The following KCNH5 variants were observed in gnomAD, a reference collection of about 807,000 sequenced individuals.
The protein encoded by KCNH5 is potassium voltage-gated channel subfamily H member 5.
Under a neutral mutation model 96.1 loss-of-function variants are expected in KCNH5, and 46 were observed. The observed-to-expected ratio is 0.48, with a 90% CI of 0.38 to 0.61. The LOEUF is 0.61. KCNH5 is among the 20% of genes least tolerant of loss of function. The pLI is 0.00. For missense variants in KCNH5, 907 were observed against 1,225.8 expected (o/e 0.74, Z 3.88); for synonymous variants, 439 against 449.8 (o/e 0.98, Z 0.30).
intron 7 of KCNH5, among the ~76,000 whole-genome samples, chr14:62,932,638 T>C (rs1340289218): frequency 6.6e-6 from 1 of 152,054 alleles, no homozygotes; most frequent in Non-Finnish European, 1.5e-5. Context: ...TGATTACACA[T>C]ACCCATTGGG....
At position 62,962,087 on chromosome 14, in the gene KCNH5, T is replaced by C. The variant is rs575523551; in HGVS notation, c.943-11528A>G. Among the ~76,000 whole-genome samples, 12 of 151,880 alleles carry C rather than the reference T, an allele frequency of 7.9e-5. No homozygotes were observed. The East Asian group carries it at 2.3e-3, about 29-fold the overall frequency. ...ATAGAGATGGAAATGGAGATGGAGA[T>C]GGATGTGCAGATGGAGATGGATACA... On this transcript the variant is annotated intron_variant, in intron 6 of 10. Transcript: ENST00000322893.
At chr14:62,906,762 C>T (rs572849943) in intron 7 of KCNH5, among the ~76,000 whole-genome samples, 58 of 151,662 alleles carry the variant, frequency 3.8e-4, no homozygotes, top group Non-Finnish European at 7.2e-4. Context: ...CTTTTTTTTT[C>T]TTGTCTCATT....
rs752430126 is a variant in KCNH5 at position 62,707,550 on chromosome 14, C to T, written c.2925G>A (p.Arg975=). 1.3e-6 allele frequency: 2 copies of T among 1,498,790 alleles called. No individual in the cohort carries two copies. Among genetic ancestry groups the T allele is most frequent in the East Asian group, 4.6e-5 (2 of 43,630 alleles). 92.8% of individuals were successfully genotyped at this position (1,498,790 alleles called of 1,614,324 possible). A position where few individuals can be genotyped will look rare whatever the true frequency, so the allele number is the denominator to read the frequency against. Residue 975 remains arginine (R), a synonymous_variant, in exon 11 of 11, where the codon AGG becomes AGA. Transcript: ENST00000322893. ...IPCQDIFSVS[R]PESPESDKDE... ...CTTTGTCAGATTCAGGTGATTCAGG[C>T]CTTGAGACACTAAAAATATCCTGAC...
At chr14:62,775,429 T>A (rs1358573380) in intron 10 of KCNH5, among the ~76,000 whole-genome samples, 6 of 152,120 alleles carry the variant, frequency 3.9e-5, no homozygotes, top group Non-Finnish European at 2.9e-5. Context: ...CCCATAAAAA[T>A]GTGCTTCTGG....
chr14:62,755,121 T>C (rs990414416), intron 10 of KCNH5, among the ~76,000 whole-genome samples: 1 of 151,198 alleles, frequency 6.6e-6, no homozygotes, highest in Non-Finnish European at 1.5e-5. Context: ...CAGAAATAAA[T>C]AAAATTGAAA....
intron 10 of KCNH5, among the ~76,000 whole-genome samples, chr14:62,754,264 T>C (rs1885569177): frequency 6.6e-6 from 1 of 151,158 alleles, no homozygotes; most frequent in African/African-American, 2.4e-5. Context: ...ACAAAACAAA[T>C]AAAAAGCAAG....
At chr14:62,781,394 T>C (rs1187345369) in intron 9 of KCNH5, among the ~76,000 whole-genome samples, 1 of 152,248 alleles carries the variant, frequency 6.6e-6, no homozygotes, top group Non-Finnish European at 1.5e-5. Flanking sequence ...GATAACATCT[T>C]ATCAGGAGAC....
At chr14:62,988,871 T>C (rs142769145) in intron 4 of KCNH5, among the ~76,000 whole-genome samples, 1 of 151,992 alleles carries the variant, frequency 6.6e-6, no homozygotes, top group Non-Finnish European at 1.5e-5. Flanking sequence ...CTGACAACAC[T>C]CAACATGTCC....
In KCNH5 at chr14:62,987,196, T is replaced by C; in HGVS notation, c.434-9A>G. 6.3e-7 allele frequency: 1 copy of C among 1,593,632 alleles called. No homozygotes were observed. The highest frequency in any genetic ancestry group is 8.6e-7 in the Non-Finnish European group (1 of 1,161,842). ...GGCAAATTTCGTCCAACCTTAAAAA[T>C]AAGGAAAGAAAGTCTCAGTTTTTCA... On this transcript the variant is annotated splice_polypyrimidine_tract_variant and intron_variant, in intron 4 of 10. Coordinates refer to ENST00000322893, the MANE Select transcript of KCNH5 (RefSeq NM_139318.5).
At chr14:62,971,747 A>C (rs1324731539) in intron 6 of KCNH5, among the ~76,000 whole-genome samples, 1 of 152,132 alleles carries the variant, frequency 6.6e-6, no homozygotes, top group Non-Finnish European at 1.5e-5. Context: ...AAGGCAATGC[A>C]ATGGAACAAA....
chr14:62,970,955 G>C (rs75480639), intron 6 of KCNH5, among the ~76,000 whole-genome samples: 28,053 of 151,594 alleles, frequency 0.19, 3,017 homozygotes, highest in Non-Finnish European at 0.25. Flanking sequence ...TCAGGAACGA[G>C]GCAAAGATGT....
chr14:62,877,640 A>G (rs979956820), intron 7 of KCNH5, among the ~76,000 whole-genome samples: 1 of 152,108 alleles, frequency 6.6e-6, no homozygotes, highest in Non-Finnish European at 1.5e-5. Flanking sequence ...CAAAACCACA[A>G]TGAGATACCA....
At chr14:62,799,726 T>TATATATATACATAC (rs1213484157) in intron 9 of KCNH5, among the ~76,000 whole-genome samples, 1 of 68,664 alleles carries the variant, frequency 1.5e-5, no homozygotes. Context: ...TATATATATA[T>TATATATATACATAC]ACACACACAC....
Position 63,045,299 on chromosome 14 carries a change from A to C in KCNH5, c.-113T>G. On this transcript the variant is annotated 5_prime_UTR_variant, in exon 1 of 11. Coordinates refer to ENST00000322893, the MANE Select transcript of KCNH5 (RefSeq NM_139318.5). ...GAAGAGAAGATTGAGCCGAAAGAAG[A>C]GGGGGCGCGGCGGCGGCGACGGGGT... The C allele has an allele frequency of 1.1e-6, 1 of 871,472 alleles. No homozygotes were observed. Among genetic ancestry groups the C allele is most frequent in the Admixed American group, 2.0e-5 (1 of 50,242 alleles). The allele number at this position is 871,472 out of a possible 1,614,324, so 54.0% of individuals were successfully genotyped here. A position where few individuals can be genotyped will look rare whatever the true frequency, so the allele number is the denominator to read the frequency against.
intron 10 of KCNH5, among the ~76,000 whole-genome samples, chr14:62,761,433 T>C (rs1315873470): frequency 6.6e-6 from 1 of 151,936 alleles, no homozygotes; most frequent in African/African-American, 2.4e-5. Flanking sequence ...TGGAAGCTTT[T>C]CAAATACATG....
intron 1 of KCNH5, among the ~76,000 whole-genome samples, chr14:63,044,032 G>A (rs552377106): frequency 2.0e-4 from 30 of 152,122 alleles, no homozygotes; most frequent in African/African-American, 7.0e-4. Flanking sequence ...GAATAAACAA[G>A]GCACTATGGA....
At chr14:62,766,269 G>C (rs942412335) in intron 10 of KCNH5, among the ~76,000 whole-genome samples, 1 of 152,028 alleles carries the variant, frequency 6.6e-6, no homozygotes, top group South Asian at 2.1e-4. Flanking sequence ...CAAATTTGTA[G>C]GTTCCTCAAA....
chr14:62,963,032 G>T (rs1020718559), intron 6 of KCNH5, among the ~76,000 whole-genome samples: 1 of 152,050 alleles, frequency 6.6e-6, no homozygotes, highest in African/African-American at 2.4e-5. Context: ...CTAAAGCTAG[G>T]TCACAATGCC....
At chr14:62,843,410 CTTTT>C (rs570775868) in intron 8 of KCNH5, among the ~76,000 whole-genome samples, 1,717 of 111,904 alleles carry the variant, frequency 0.015, 11 homozygotes, top group Non-Finnish European at 0.019. Context: ...ATTTACATGG[CTTTT>C]TTTTTTTTTT....
Sources: allele counts gnomAD v4.1 joint callset (sites outside exome capture counted in the v4.1 genomes callset), GRCh38; gene constraint gnomAD v4.1.1; transcripts MANE v1.5; gene names NCBI Gene and HGNC (gene_info 2026-07-23, HGNC 2026-07-21).